The following IL1RAPL2 variants were observed in gnomAD, a reference collection of about 807,000 sequenced individuals.
The protein encoded by IL1RAPL2 is X-linked interleukin-1 receptor accessory protein-like 2.
IL1RAPL2 carries 3 observed loss-of-function variants against 44.1 expected under a neutral mutation model. That is an observed-to-expected ratio of 0.07 (90% CI 0.03 to 0.18). The LOEUF is 0.18. IL1RAPL2 is among the 10% of genes least tolerant of loss of function. The pLI, the probability that IL1RAPL2 is intolerant of heterozygous loss-of-function variation, is 1.00. For synonymous variants in IL1RAPL2, 181 were observed against 178.8 expected (o/e 1.01, Z -0.10); for missense variants, 391 against 496.4 (o/e 0.79, Z 2.02).
chrX:105,642,076 G>A (rs917953075), intron 6 of IL1RAPL2, among the ~76,000 whole-genome samples: 2 of 110,576 alleles, frequency 1.8e-5, no homozygotes, highest in South Asian at 3.9e-4. Context: ...AGGGCAAAAC[G>A]TGTTACCAGA....
In IL1RAPL2 at chrX:105,360,542, G is replaced by A. The variant is rs193195934; in HGVS notation, c.697+93001G>A. Reference sequence around the variant, plus strand: ...AAAAAATTAAAGCCTGGAAGAGAATGGGAAGTGGCATAGGGTGGGGAAGGG... The same window carrying A: ...AAAAAATTAAAGCCTGGAAGAGAATAGGAAGTGGCATAGGGTGGGGAAGGG... On this transcript the variant is annotated intron_variant, in intron 5 of 10. Transcript: ENST00000372582. 2.3e-4 allele frequency among the ~76,000 whole-genome samples: 26 copies of A among 111,204 alleles called. No individual in the cohort carries two copies. In the Admixed American group the frequency reaches 2.4e-3, roughly 10 times the overall value.
At chrX:105,267,831 A>G (rs993465289) in intron 5 of IL1RAPL2, among the ~76,000 whole-genome samples, 1 of 111,983 alleles carries the variant, frequency 8.9e-6, no homozygotes, top group Non-Finnish European at 1.9e-5. Context: ...CAGAAAATAT[A>G]TAGTGGAGCC....
At chrX:105,051,336 G>A (rs1435481231) in intron 2 of IL1RAPL2, among the ~76,000 whole-genome samples, 1 of 112,682 alleles carries the variant, frequency 8.9e-6, no homozygotes, top group Non-Finnish European at 1.9e-5. Context: ...AGATGCACAG[G>A]TCCTGTGCCT....
rs1204652830 is a variant in IL1RAPL2 at position 105,212,531 on chromosome X, C to T, written c.356+16783C>T. Among the ~76,000 whole-genome samples, 6 of 111,982 alleles carry T rather than the reference C, an allele frequency of 5.4e-5. No homozygotes were observed. The East Asian group carries it at 1.7e-3, about 32-fold the overall frequency. Reference sequence around the variant, plus strand: ...CTCAGGGAAAGGGCGGCTGTGAGTGCAGCTTCAGTGGACTTAATTGTTCCT... The same window carrying T: ...CTCAGGGAAAGGGCGGCTGTGAGTGTAGCTTCAGTGGACTTAATTGTTCCT... On this transcript the variant is annotated intron_variant, in intron 3 of 10. Transcript: ENST00000372582.
At chrX:105,551,555 T>C (rs1662032663) in intron 6 of IL1RAPL2, among the ~76,000 whole-genome samples, 1 of 111,527 alleles carries the variant, frequency 9.0e-6, no homozygotes, top group Admixed American at 9.6e-5. Context: ...TAATATAAAT[T>C]TTTATTAAAT....
At chrX:104,835,359 G>A (rs1381041299) in intron 2 of IL1RAPL2, among the ~76,000 whole-genome samples, 7 of 109,761 alleles carry the variant, frequency 6.4e-5, no homozygotes, top group African/African-American at 2.3e-4. Context: ...TAACTAAATG[G>A]ATTTTAAAAA....
chrX:105,755,329 G>A lies in IL1RAPL2; in HGVS notation c.1345G>A (p.Asp449Asn). 4 of 1,194,808 alleles carry A rather than the reference G, an allele frequency of 3.3e-6. No homozygotes were observed. The highest frequency in any genetic ancestry group is 4.5e-6 in the Non-Finnish European group (4 of 885,507). Residue 449 changes from aspartate (D) to asparagine (N), a missense_variant, in exon 10 of 11, where the codon GAC (aspartate) becomes AAC (asparagine). Physicochemically the swap from Asp to Asn is conservative, Grantham distance 23. Coordinates refer to ENST00000372582, the MANE Select transcript of IL1RAPL2 (RefSeq NM_017416.2). The stretch of plus-strand genomic sequence containing the variant: ...ATATAAACTCTTCATCCCAGAAAGA[G>A]ACCTGATTCCAAGTGGAAGTAAGTA... ...YGYKLFIPERDLIPSGTYMED... is the reference protein window; with the variant it reads ...YGYKLFIPERNLIPSGTYMED...
chrX:104,582,820 T>TTCTTTCTC (rs1928421913), intron 1 of IL1RAPL2, among the ~76,000 whole-genome samples: 1 of 35,151 alleles, frequency 2.8e-5, no homozygotes, highest in Non-Finnish European at 5.0e-5. Flanking sequence ...TCTCCTTTCT[T>TTCTTTCTC]TCTCTTTCTT....
intron 2 of IL1RAPL2, among the ~76,000 whole-genome samples, chrX:104,906,583 G>T (rs1924016989): frequency 9.0e-6 from 1 of 111,690 alleles, no homozygotes; most frequent in Admixed American, 9.5e-5. Flanking sequence ...TTTGTCTTTG[G>T]CTCTGTTTAT....
chrX:105,426,871 G>A (rs774861503), intron 5 of IL1RAPL2, among the ~76,000 whole-genome samples: 16 of 111,653 alleles, frequency 1.4e-4, no homozygotes, highest in African/African-American at 4.5e-4. Flanking sequence ...AGAAAACCTT[G>A]GGCTAGGAAA....
chrX:104,897,683 T>C (rs1441505447), intron 2 of IL1RAPL2, among the ~76,000 whole-genome samples: 1 of 112,247 alleles, frequency 8.9e-6, no homozygotes, highest in East Asian at 2.8e-4. Context: ...TAAAAACCTG[T>C]GCAGAAATCA....
chrX:105,048,111 G>A (rs1203748880), intron 2 of IL1RAPL2, among the ~76,000 whole-genome samples: 1 of 111,281 alleles, frequency 9.0e-6, no homozygotes, highest in Non-Finnish European at 1.9e-5. Context: ...ATCGCAGCAG[G>A]AGTGTCCATT....
At chrX:104,800,887 G>A (rs988724038) in intron 2 of IL1RAPL2, among the ~76,000 whole-genome samples, 1 of 112,331 alleles carries the variant, frequency 8.9e-6, no homozygotes, top group African/African-American at 3.2e-5. Flanking sequence ...TGTAGTGGGG[G>A]CAATCTGAGA....
At chrX:105,705,666 A>G (rs371875107) in intron 6 of IL1RAPL2, among the ~76,000 whole-genome samples, 38 of 112,028 alleles carry the variant, frequency 3.4e-4, no homozygotes, top group African/African-American at 1.1e-3. Flanking sequence ...ATAAAAGTTC[A>G]GAAGACTGAA....
At chrX:105,191,396 G>A (rs192128964) in intron 2 of IL1RAPL2, among the ~76,000 whole-genome samples, 1 of 111,576 alleles carries the variant, frequency 9.0e-6, no homozygotes, top group Non-Finnish European at 1.9e-5. Flanking sequence ...TGTATTTTTA[G>A]TAGAGACAGG....
chrX:105,324,406 C>G (rs1286334039), intron 5 of IL1RAPL2, among the ~76,000 whole-genome samples: 2 of 111,257 alleles, frequency 1.8e-5, no homozygotes. Context: ...CTGTCATGGC[C>G]CAGTTTAAAT....
chrX:105,618,327 C>G (rs1448544288), intron 6 of IL1RAPL2, among the ~76,000 whole-genome samples: 1 of 110,173 alleles, frequency 9.1e-6, no homozygotes, highest in Non-Finnish European at 1.9e-5. Context: ...CTAATGGGCA[C>G]TAGGCTTAAA....
chrX:104,622,763 G>T (rs1440502152), intron 1 of IL1RAPL2, among the ~76,000 whole-genome samples: 1 of 111,846 alleles, frequency 8.9e-6, no homozygotes, highest in African/African-American at 3.3e-5. Flanking sequence ...GAGTGAGGTT[G>T]CTTATGGGGT....
intron 5 of IL1RAPL2, among the ~76,000 whole-genome samples, chrX:105,365,588 C>A (rs755675785): frequency 1.8e-5 from 2 of 110,942 alleles, no homozygotes; most frequent in East Asian, 5.7e-4. Flanking sequence ...CAGTAATGAT[C>A]TTTTTAGATA....
Sources: allele counts gnomAD v4.1 joint callset (sites outside exome capture counted in the v4.1 genomes callset), GRCh38; gene constraint gnomAD v4.1.1; transcripts MANE v1.5; gene names NCBI Gene and HGNC (gene_info 2026-07-23, HGNC 2026-07-21).